CNIH3: variants seen among roughly 807,000 people sequenced by gnomAD.
CNIH3 encodes the protein protein cornichon homolog 3.
Under a neutral mutation model 24.1 loss-of-function variants are expected in CNIH3, and 14 were observed. The ratio of observed to expected loss-of-function variants is 0.58; its 90% confidence interval spans 0.38 to 0.91. The LOEUF is 0.91. Among genes scored for constraint, CNIH3 ranks in the 40% least tolerant of loss-of-function variants. The probability of loss-of-function intolerance (pLI) is 0.00; values close to 1 mark genes in which losing one functional copy is unlikely to be tolerated. For synonymous variants in CNIH3, 68 were observed against 73.8 expected, an observed-to-expected ratio of 0.92 and a Z score of 0.40; for missense variants, 178 against 196.8, an observed-to-expected ratio of 0.90 and a Z score of 0.57.
At chr1:224,524,056 A>G (rs559410795) in intron 2 of CNIH3, among the ~76,000 whole-genome samples, 1 of 152,316 alleles carries the variant, frequency 6.6e-6, no homozygotes, top group South Asian at 2.1e-4. Context: ...CTTCTTAGGG[A>G]ATTGCTTTGC....
intron 3 of CNIH3, among the ~76,000 whole-genome samples, chr1:224,603,650 GTTTTTGTCAGCGTGCAAGAGAC>G (rs1305162540): frequency 2.0e-5 from 3 of 152,012 alleles, no homozygotes; most frequent in Non-Finnish European, 4.4e-5. Context: ...TTTTTTTATG[GTTTTTGTCAGCGTGCAAGAGAC>G]ACTTGTATTT....
At chr1:224,579,619 G>A (rs1681186923) in intron 4 of CNIH3, among the ~76,000 whole-genome samples, 1 of 152,206 alleles carries the variant, frequency 6.6e-6, no homozygotes, top group Admixed American at 6.5e-5. Context: ...AGTGCTGGAG[G>A]TGGAGTCTAA....
chr1:224,579,431 G>A (rs1176280285), intron 4 of CNIH3, among the ~76,000 whole-genome samples: 1 of 152,132 alleles, frequency 6.6e-6, no homozygotes, highest in African/African-American at 2.4e-5. Flanking sequence ...GAACTTCTTT[G>A]ACAAATCTCT....
chr1:224,633,166 T>C (rs1683911871), intron 1 of CNIH3, among the ~76,000 whole-genome samples: 1 of 152,122 alleles, frequency 6.6e-6, no homozygotes, highest in Admixed American at 6.6e-5. Flanking sequence ...AGATTTTTTT[T>C]TCTTTTTTTT....
At chr1:224,695,709 A>G (rs1248487232) in intron 3 of CNIH3, among the ~76,000 whole-genome samples, 14 of 152,324 alleles carry the variant, frequency 9.2e-5, no homozygotes, top group Non-Finnish European at 1.5e-5. Flanking sequence ...CCTAGGGGCC[A>G]ATCTCTGCAG....
chr1:224,662,044 GA>G (rs1303153771), intron 1 of CNIH3, among the ~76,000 whole-genome samples: 1 of 152,154 alleles, frequency 6.6e-6, no homozygotes, highest in Non-Finnish European at 1.5e-5. Flanking sequence ...GACGATCTAG[GA>G]AGCAAGTAAT....
chr1:224,450,317 G>A (rs935214457), intron 1 of CNIH3, among the ~76,000 whole-genome samples: 1 of 152,158 alleles, frequency 6.6e-6, no homozygotes, highest in African/African-American at 2.4e-5. Flanking sequence ...TGTATCAGGT[G>A]GTGTGACGGT....
chr1:224,553,335 A>G (rs1231990247), intron 3 of CNIH3, among the ~76,000 whole-genome samples: 2 of 151,930 alleles, frequency 1.3e-5, no homozygotes, highest in African/African-American at 4.8e-5. Flanking sequence ...TCCCTTAGAT[A>G]TATCTATAAC....
chr1:224,628,685 A>G (rs1437502732), intron 1 of CNIH3, among the ~76,000 whole-genome samples: 1 of 151,926 alleles, frequency 6.6e-6, no homozygotes, highest in Non-Finnish European at 1.5e-5. Context: ...ACGCCCAACC[A>G]TCTGAATGGG....
chr1:224,568,105 C>G (rs1052585302), intron 4 of CNIH3, among the ~76,000 whole-genome samples: 1 of 152,094 alleles, frequency 6.6e-6, no homozygotes, highest in Admixed American at 6.5e-5. Flanking sequence ...TCCTGGCCAA[C>G]ATGGTAAAAC....
chr1:224,592,149 GGTATGTGTGT>G (rs1190374361), downstream of CNIH3, among the ~76,000 whole-genome samples: 3 of 151,306 alleles, frequency 2.0e-5, no homozygotes, highest in Admixed American at 6.6e-5. Context: ...GTGTGTGTAC[GGTATGTGTGT>G]GTATGTGTGT....
At position 224,617,127 on chromosome 1, in the gene CNIH3, C is replaced by G. The variant is rs775796001; in HGVS notation, c.-48C>G. On this transcript the variant is annotated 5_prime_UTR_variant, in exon 1 of 6. Coordinates refer to ENST00000272133, the MANE Select transcript of CNIH3 (RefSeq NM_152495.2). ...TGCGGTCCTCTAGGGAGGCATCGGG[C>G]TCCTAGGGGCTTCTTGGCGTGTGTG... 1.1e-5 allele frequency: 17 copies of G among 1,606,252 alleles called. No homozygotes were observed. The highest frequency in any genetic ancestry group is 1.4e-5 in the Non-Finnish European group (17 of 1,176,466).
At chr1:224,555,333 A>G (rs1359147792) in intron 3 of CNIH3, among the ~76,000 whole-genome samples, 19 of 152,210 alleles carry the variant, frequency 1.2e-4, no homozygotes, top group Admixed American at 1.2e-3. Flanking sequence ...CATCTCAGAC[A>G]TTGTGTGAAA....
chr1:224,712,894 G>C (rs981810505), intron 3 of CNIH3, among the ~76,000 whole-genome samples: 9 of 152,186 alleles, frequency 5.9e-5, no homozygotes, highest in Admixed American at 5.9e-4. Flanking sequence ...TCTAGTCCCT[G>C]AGGTTGCTCT....
In CNIH3 at chr1:224,604,979, G is replaced by C. The variant is rs1682360010; in HGVS notation, n.402+38715G>C. Among the ~76,000 whole-genome samples the C allele has an allele frequency of 6.6e-6, 1 of 152,200 alleles. No individual in the cohort carries two copies. Among genetic ancestry groups the C allele is most frequent in the Non-Finnish European group, 1.5e-5 (1 of 68,042 alleles). On this transcript the variant is annotated intron_variant and non_coding_transcript_variant, in intron 3 of 7. Transcript: ENST00000478120. This position sits in a 1 kb window ranked among gnomAD's most constrained non-coding sequence, Gnocchi z 4.4. The stretch of plus-strand genomic sequence containing the variant: ...GCAGGAAAGTTCCCTGTGTGGTTGG[G>C]TCCAGGGCCTTTTATGGATTCAGAA...
intron 3 of CNIH3, among the ~76,000 whole-genome samples, chr1:224,729,852 T>G (rs190514163): frequency 3.3e-4 from 50 of 152,284 alleles, no homozygotes; most frequent in African/African-American, 1.2e-3. Context: ...GTTTCTTCCC[T>G]CTTCCCCCAG....
intron 3 of CNIH3, among the ~76,000 whole-genome samples, chr1:224,690,537 A>C (rs1215500313): frequency 6.6e-6 from 1 of 152,128 alleles, no homozygotes; most frequent in Non-Finnish European, 1.5e-5. Context: ...GTCTGAGATG[A>C]TTTTGAGTTA....
intron 1 of CNIH3, among the ~76,000 whole-genome samples, chr1:224,438,861 T>A (rs1042685595): frequency 2.0e-5 from 3 of 152,220 alleles, no homozygotes; most frequent in African/African-American, 7.2e-5. Context: ...GGTCATGAGA[T>A]AACGAATATA....
At chr1:224,510,155 G>T (rs1043612786) in intron 1 of CNIH3, among the ~76,000 whole-genome samples, 1 of 152,152 alleles carries the variant, frequency 6.6e-6, no homozygotes, top group African/African-American at 2.4e-5. Context: ...CTCACTGAGG[G>T]AAGTCTATGG....
Sources: gnomAD v4.1 joint callset for allele counts (sites outside exome capture counted in the v4.1 genomes callset) on GRCh38, gnomAD v4.1.1 for gene constraint, Gnocchi (gnomAD v3.1) non-coding constraint, MANE v1.5 for transcripts, NCBI Gene and HGNC (gene_info 2026-07-23, HGNC 2026-07-21) for gene names.